CRK: variants seen among roughly 807,000 people sequenced by gnomAD.
The protein encoded by CRK is adapter molecule crk.
CRK carries 4 observed loss-of-function variants against 29.8 expected under a neutral mutation model. The ratio of observed to expected loss-of-function variants is 0.13; its 90% CI spans 0.07 to 0.31. CRK has a LOEUF of 0.31. Among genes scored for constraint, CRK ranks in the 10% least tolerant of loss-of-function variants. The pLI is 1.00. For synonymous variants in CRK, 153 were observed against 164.9 expected (o/e 0.93, Z 0.55); for missense variants, 274 against 396.5 (o/e 0.69, Z 2.62).
In CRK at chr17:1,456,128, G is replaced by A. The variant is rs763948553; in HGVS notation, c.-11C>T. The A allele has an allele frequency of 2.7e-5, 41 of 1,516,468 alleles. No homozygotes were observed. The highest frequency in any genetic ancestry group is 9.0e-5 in the Admixed American group (4 of 44,416). 93.9% of individuals were successfully genotyped at this position (1,516,468 alleles called of 1,614,324 possible). Reference sequence around the variant, plus strand: ...GAAGTTGCCCGCCATGGCTGCCTCCGCGCCTAAACGCTGGGGTGCCGCCGC... The same window carrying A: ...GAAGTTGCCCGCCATGGCTGCCTCCACGCCTAAACGCTGGGGTGCCGCCGC... On this transcript the variant is annotated 5_prime_UTR_variant, in exon 1 of 3. Coordinates refer to ENST00000300574, the MANE Select transcript of CRK (RefSeq NM_016823.4).
intron 1 of CRK, among the ~76,000 whole-genome samples, chr17:1,442,606 CTTT>C (rs33970272): frequency 7.4e-5 from 9 of 121,122 alleles, no homozygotes; most frequent in Admixed American, 2.0e-4. Flanking sequence ...GTGAAAGGGT[CTTT>C]TTTTTTTTTT....
chr17:1,439,189 G>C (rs551785433), intron 1 of CRK, among the ~76,000 whole-genome samples: 1 of 151,822 alleles, frequency 6.6e-6, no homozygotes, highest in Non-Finnish European at 1.5e-5. Flanking sequence ...TTCGCCTCCC[G>C]GGTTCACGTC....
chr17:1,440,845 C>T (rs911771512), intron 1 of CRK, among the ~76,000 whole-genome samples: 3 of 152,134 alleles, frequency 2.0e-5, no homozygotes, highest in African/African-American at 4.8e-5. Flanking sequence ...TCAAGGCTAC[C>T]GTGAGTCGTG....
chr17:1,444,345 C>T (rs1231389368), intron 1 of CRK, among the ~76,000 whole-genome samples: 1 of 152,098 alleles, frequency 6.6e-6, no homozygotes, highest in Non-Finnish European at 1.5e-5. Flanking sequence ...CTGGCTAACA[C>T]ACAGTAAGAA....
At chr17:1,442,673 T>A (rs1441931435) in intron 1 of CRK, among the ~76,000 whole-genome samples, 1 of 141,070 alleles carries the variant, frequency 7.1e-6, no homozygotes, top group Non-Finnish European at 1.5e-5. Flanking sequence ...AGTGGCTGGA[T>A]GTCGGCTCAC....
intron 2 of CRK, among the ~76,000 whole-genome samples, chr17:1,435,013 C>A (rs916059071): frequency 1.3e-5 from 2 of 152,122 alleles, no homozygotes; most frequent in African/African-American, 4.8e-5. Flanking sequence ...GCAAAATTCA[C>A]ATGATAACTG....
intron 2 of CRK, chr17:1,426,209 C>A: frequency 6.6e-6 from 1 of 152,408 alleles, no homozygotes; most frequent in Non-Finnish European, 1.5e-5. Flanking sequence ...AGCAGCTAAC[C>A]CAGCCTGTGT....
chr17:1,450,322 C>A (rs977935942), intron 1 of CRK, among the ~76,000 whole-genome samples: 1 of 152,056 alleles, frequency 6.6e-6, no homozygotes, highest in African/African-American at 2.4e-5. Context: ...TCCTGGCTAA[C>A]ACGGTGAAAC....
At chr17:1,439,034 A>G (rs1462889255) in intron 1 of CRK, among the ~76,000 whole-genome samples, 1 of 151,988 alleles carries the variant, frequency 6.6e-6, no homozygotes, top group East Asian at 1.9e-4. Flanking sequence ...GGGTTTCACC[A>G]CGTTGCCCAG....
At position 1,436,603 on chromosome 17, in the gene CRK, T is replaced by A; in HGVS notation, c.777+17A>T. The A allele has an allele frequency of 6.3e-7, 1 of 1,577,866 alleles. No homozygotes were observed. The highest frequency in any genetic ancestry group is 8.6e-7 in the Non-Finnish European group (1 of 1,166,152). On this transcript the variant is annotated intron_variant, in intron 2 of 2. Coordinates refer to ENST00000300574, the MANE Select transcript of CRK (RefSeq NM_016823.4). ...CTGCAGCAGATCTCTTCTTTCTACATTGTGCACGTTATGTACCTCCAAAGC... is the reference window on the plus strand; with the variant it reads ...CTGCAGCAGATCTCTTCTTTCTACAATGTGCACGTTATGTACCTCCAAAGC...
intron 1 of CRK, among the ~76,000 whole-genome samples, chr17:1,444,603 G>GT (rs1555654462): frequency 6.7e-6 from 1 of 148,674 alleles, no homozygotes; most frequent in Non-Finnish European, 1.5e-5. Flanking sequence ...AGCGGGGGGG[G>GT]GGATCACCTG....
At chr17:1,448,065 C>G (rs994184913) in intron 1 of CRK, among the ~76,000 whole-genome samples, 1 of 151,942 alleles carries the variant, frequency 6.6e-6, no homozygotes, top group African/African-American at 2.4e-5. Flanking sequence ...TCGCTTGAAC[C>G]CGGGAGGCGG....
rs1233323385 is a variant in CRK at position 1,432,734 on chromosome 17, G to A, written c.777+3886C>T. Among the ~76,000 whole-genome samples the A allele has an allele frequency of 8.1e-5, 12 of 147,608 alleles. No homozygotes were observed. The South Asian group carries it at 8.4e-4, about 10-fold the overall frequency. ...GGAGCTTGCAGTGCGCCGAGATCACGCCACTGCACTCCAGCCTGGGCAACA... is the reference window on the plus strand; with the variant it reads ...GGAGCTTGCAGTGCGCCGAGATCACACCACTGCACTCCAGCCTGGGCAACA... On this transcript the variant is annotated intron_variant, in intron 2 of 2. Transcript: ENST00000300574.
Position 1,456,145 on chromosome 17 carries a change from TGCCGCCGCCGCGCGCGCCCCTCCG to T in CRK, c.-52_-29del. On this transcript the variant is annotated 5_prime_UTR_variant, in exon 1 of 3. Coordinates refer to ENST00000300574, the MANE Select transcript of CRK (RefSeq NM_016823.4). The stretch of plus-strand genomic sequence containing the variant: ...CTGCCTCCGCGCCTAAACGCTGGGG[TGCCGCCGCCGCGCGCGCCCCTCCG>T]GCCCCCGGCGCCCGCCGCCCAGCGG... The T allele has an allele frequency of 6.8e-7, 1 of 1,460,688 alleles. No homozygotes were observed. The highest frequency in any genetic ancestry group is 9.0e-7 in the Non-Finnish European group (1 of 1,106,676). The allele number at this position is 1,460,688 out of a possible 1,614,324, so 90.5% of individuals were successfully genotyped here.
intron 2 of CRK, among the ~76,000 whole-genome samples, chr17:1,427,072 A>AAAAAAAAAAAAAAAAAAAAAAAAAAAAAG (rs778793991): frequency 2.2e-5 from 2 of 92,074 alleles, no homozygotes; most frequent in Non-Finnish European, 4.2e-5. Context: ...AAAAAAAAAA[A>AAAAAAAAAAAAAAAAAAAAAAAAAAAAAG]GATTCTGACA....
intron 1 of CRK, 42 bp downstream of exon 1, chr17:1,455,835 C>G: frequency 2.0e-6 from 3 of 1,475,562 alleles, no homozygotes; most frequent in Non-Finnish European, 2.7e-6. Context: ...AGTTCCGCGG[C>G]CCTCACCCCG....
intron 2 of CRK, 27 bp from the exon 3 acceptor site, chr17:1,423,677 T>C: frequency 6.2e-7 from 1 of 1,611,180 alleles, no homozygotes; most frequent in East Asian, 2.2e-5. Context: ...AGGAGAGCAC[T>C]TTATTTCCAG....
intron 1 of CRK, among the ~76,000 whole-genome samples, chr17:1,454,970 C>T (rs1008404300): frequency 1.4e-4 from 21 of 152,192 alleles, no homozygotes; most frequent in Admixed American, 1.0e-3. Flanking sequence ...TCCAGGAAGA[C>T]TCAGCCCGCA....
At chr17:1,444,355 A>C (rs12948875) in intron 1 of CRK, among the ~76,000 whole-genome samples, 114,601 of 151,926 alleles carry the variant, frequency 0.75, 43,890 homozygotes, top group African/African-American at 0.89. Flanking sequence ...CACAGTAAGA[A>C]CCCATCTCTA....
Sources: allele counts gnomAD v4.1 joint callset (sites outside exome capture counted in the v4.1 genomes callset), GRCh38; gene constraint gnomAD v4.1.1; transcripts MANE v1.5; gene names NCBI Gene and HGNC (gene_info 2026-07-23, HGNC 2026-07-21).